The following PDHX variants were observed in gnomAD, a reference collection of about 807,000 sequenced individuals.
PDHX encodes pyruvate dehydrogenase protein X component, mitochondrial.
In PDHX, 33 loss-of-function variants were observed where a neutral mutation model predicts 55.3. That is an observed-to-expected ratio of 0.60 (90% CI 0.45 to 0.80). The LOEUF (loss-of-function observed/expected upper bound fraction) is 0.80, where lower values mean the gene tolerates loss of function less well. Among genes scored for constraint, PDHX ranks in the 30% least tolerant of loss-of-function variants. The pLI is 0.00. For missense variants in PDHX, 622 were observed against 619.9 expected, an observed-to-expected ratio of 1.00 and a Z score of -0.04; for synonymous variants, 226 against 219.4, an observed-to-expected ratio of 1.03 and a Z score of -0.27.
At chr11:34,973,291 T>G (rs556472793) in intron 7 of PDHX, among the ~76,000 whole-genome samples, 5 of 152,342 alleles carry the variant, frequency 3.3e-5, no homozygotes, top group Non-Finnish European at 7.4e-5. Context: ...TTTGCATCTT[T>G]TTACTTTTTA....
chr11:34,930,773 C>G (rs1436345854), intron 1 of PDHX, among the ~76,000 whole-genome samples: 1 of 152,064 alleles, frequency 6.6e-6, no homozygotes, highest in African/African-American at 2.4e-5. Context: ...CTCTGGATCC[C>G]CAGTTGAATT....
chr11:34,959,049 T>C (rs1200608812), intron 4 of PDHX, among the ~76,000 whole-genome samples: 2 of 152,136 alleles, frequency 1.3e-5, no homozygotes, highest in African/African-American at 2.4e-5. Flanking sequence ...CTCTTAGCTT[T>C]AATTTCTAGA....
At chr11:34,942,039 C>T (rs1419242819) in intron 2 of PDHX, 2 of 152,448 alleles carry the variant, frequency 1.3e-5, no homozygotes, top group Admixed American at 1.3e-4. Context: ...TCTGTCATCT[C>T]ACGCTGTCCA....
chr11:34,921,677 C>T (rs1422131183), intron 1 of PDHX, among the ~76,000 whole-genome samples: 2 of 152,150 alleles, frequency 1.3e-5, no homozygotes, highest in Non-Finnish European at 2.9e-5. Context: ...CTAAGCAAAG[C>T]ACTTGTAGGC....
chr11:34,958,802 G>T (rs1854959609), intron 4 of PDHX, among the ~76,000 whole-genome samples: 1 of 152,118 alleles, frequency 6.6e-6, no homozygotes, highest in African/African-American at 2.4e-5. Context: ...TCAGAGACTC[G>T]CATGAATCAG....
chr11:34,978,991 G>A (rs770941530), intron 8 of PDHX, among the ~76,000 whole-genome samples: 14 of 152,150 alleles, frequency 9.2e-5, no homozygotes, highest in Non-Finnish European at 2.1e-4. Flanking sequence ...GGGAGGAGAC[G>A]ATGAGCTCCC....
intron 7 of PDHX, among the ~76,000 whole-genome samples, chr11:34,971,643 G>A (rs1389820071): frequency 1.3e-5 from 2 of 151,998 alleles, no homozygotes; most frequent in Non-Finnish European, 2.9e-5. Flanking sequence ...TCCACTTAAT[G>A]ATTAACCTTC....
intron 2 of PDHX, among the ~76,000 whole-genome samples, chr11:34,945,012 CCT>C (rs143022723): frequency 0.017 from 2,537 of 151,988 alleles, 65 homozygotes; most frequent in African/African-American, 0.056. Flanking sequence ...TCTTATTTTT[CCT>C]CTGTTTTTCT....
intron 2 of PDHX, among the ~76,000 whole-genome samples, chr11:34,936,460 A>G (rs1590735648): frequency 6.6e-6 from 1 of 152,326 alleles, no homozygotes; most frequent in Non-Finnish European, 1.5e-5. Flanking sequence ...GGTACATGAC[A>G]GGGATCCAAG....
intron 2 of PDHX, among the ~76,000 whole-genome samples, chr11:34,932,958 G>A (rs1358667073): frequency 6.6e-6 from 1 of 152,046 alleles, no homozygotes; most frequent in Non-Finnish European, 1.5e-5. Flanking sequence ...AAAAAGCAAG[G>A]TACAGACAAG....
intron 3 of PDHX, among the ~76,000 whole-genome samples, chr11:34,955,505 T>G (rs1056173643): frequency 6.6e-6 from 1 of 152,336 alleles, no homozygotes; most frequent in Admixed American, 6.5e-5. Flanking sequence ...TATGGTTGTA[T>G]ATCACTTGTC....
intron 3 of PDHX, among the ~76,000 whole-genome samples, chr11:34,956,841 C>T (rs1854914598): frequency 6.6e-6 from 1 of 152,002 alleles, no homozygotes; most frequent in Middle Eastern, 3.2e-3. Context: ...CTATATTTAA[C>T]ATTAACTGGA....
At chr11:34,977,850 T>A (rs927840551) in intron 7 of PDHX, 4 of 511,432 alleles carry the variant, frequency 7.8e-6, no homozygotes, top group Non-Finnish European at 1.5e-5. Flanking sequence ...AATGGGTCCT[T>A]CAGGTTCTTG....
chr11:34,927,198 A>T lies in PDHX; in HGVS notation c.161-4206A>T, dbSNP rs368469120. Among the ~76,000 whole-genome samples, 5 of 148,264 alleles carry T rather than the reference A, an allele frequency of 3.4e-5. No individual in the cohort carries two copies. In the East Asian group the frequency reaches 9.9e-4, roughly 29 times the overall value. Reference sequence around the variant, plus strand: ...GATATAATTTGCTAGCTTTATAAGAAGGAGCAGAACACTGAAGTGACTACA... The same window carrying T: ...GATATAATTTGCTAGCTTTATAAGATGGAGCAGAACACTGAAGTGACTACA... On this transcript the variant is annotated intron_variant, in intron 1 of 10. Coordinates refer to ENST00000227868, the MANE Select transcript of PDHX (RefSeq NM_003477.3).
At chr11:34,984,781 A>G (rs1028254419) in intron 9 of PDHX, 53 bp downstream of exon 9, 14 of 1,548,172 alleles carry the variant, frequency 9.0e-6, no homozygotes, top group Non-Finnish European at 1.2e-5. Flanking sequence ...ACTTTTGGAT[A>G]ATTACTTTCT....
intron 5 of PDHX, among the ~76,000 whole-genome samples, chr11:34,965,095 A>G (rs1215896560): frequency 3.3e-5 from 5 of 152,164 alleles, no homozygotes; most frequent in East Asian, 1.9e-4. Context: ...TAACAGTTCA[A>G]TAGGTTAGAA....
At chr11:34,982,461 C>A (rs1590767454) in intron 8 of PDHX, among the ~76,000 whole-genome samples, 1 of 152,012 alleles carries the variant, frequency 6.6e-6, no homozygotes, top group Non-Finnish European at 1.5e-5. Context: ...AAAAAACCTT[C>A]AAAAAATCCA....
At chr11:34,980,268 T>C (rs902953603) in intron 8 of PDHX, among the ~76,000 whole-genome samples, 1 of 151,246 alleles carries the variant, frequency 6.6e-6, no homozygotes, top group African/African-American at 2.4e-5. Context: ...ATGTATTTTT[T>C]CCTTCATTTC....
At chr11:34,983,710 C>T (rs1265358588) in intron 8 of PDHX, among the ~76,000 whole-genome samples, 1 of 152,114 alleles carries the variant, frequency 6.6e-6, no homozygotes, top group Non-Finnish European at 1.5e-5. Context: ...AGGAATCCAA[C>T]TTACAAGGGA....
Sources: gnomAD v4.1 joint callset for allele counts (sites outside exome capture counted in the v4.1 genomes callset) on GRCh38, gnomAD v4.1.1 for gene constraint, MANE v1.5 for transcripts, NCBI Gene and HGNC (gene_info 2026-07-23, HGNC 2026-07-21) for gene names.